Variants in ANO2 observed in about 807,000 individuals in gnomAD.
ANO2 encodes the protein anoctamin 2.
Under a neutral mutation model 124.2 loss-of-function variants are expected in ANO2, and 101 were observed. That is an observed-to-expected ratio of 0.81 (90% CI 0.69 to 0.96). ANO2 has a LOEUF of 0.96. Among genes scored for constraint, ANO2 ranks in the 40% least tolerant of loss-of-function variants. ANO2 has a pLI of 0.00. For synonymous variants in ANO2, 486 were observed against 482.5 expected, an observed-to-expected ratio of 1.01 and a Z score of -0.09; for missense variants, 1,293 against 1,274.5, an observed-to-expected ratio of 1.01 and a Z score of -0.22.
chr12:5,758,606 T>G (rs921219929), intron 10 of ANO2, among the ~76,000 whole-genome samples: 3 of 152,120 alleles, frequency 2.0e-5, no homozygotes, highest in Admixed American at 2.0e-4. Flanking sequence ...AATTCAGCAC[T>G]CCAGGGCTCA....
chr12:5,568,302 C>T (rs922080053), intron 23 of ANO2, among the ~76,000 whole-genome samples: 7 of 152,084 alleles, frequency 4.6e-5, no homozygotes, highest in Middle Eastern at 3.4e-3. Flanking sequence ...CCACCACACC[C>T]GGCTAATTTT....
At chr12:5,736,378 G>A (rs1950865481) in intron 13 of ANO2, among the ~76,000 whole-genome samples, 1 of 152,162 alleles carries the variant, frequency 6.6e-6, no homozygotes, top group Non-Finnish European at 1.5e-5. Flanking sequence ...ATGTCAGTTG[G>A]CACCCTCCTT....
At chr12:5,676,862 T>C (rs562112471) in intron 14 of ANO2, among the ~76,000 whole-genome samples, 1 of 152,264 alleles carries the variant, frequency 6.6e-6, no homozygotes, top group South Asian at 2.1e-4. Flanking sequence ...AAGACCAGCC[T>C]GGCCAACACG....
At chr12:5,913,997 G>C (rs144092715) in intron 3 of ANO2, among the ~76,000 whole-genome samples, 262 of 152,138 alleles carry the variant, frequency 1.7e-3, no homozygotes, top group Middle Eastern at 0.014. Flanking sequence ...GTCAGGAGTT[G>C]GAGACCAGCC....
chr12:5,795,975 T>A (rs1952832276), intron 10 of ANO2, among the ~76,000 whole-genome samples: 1 of 151,812 alleles, frequency 6.6e-6, no homozygotes, highest in Non-Finnish European at 1.5e-5. Flanking sequence ...AGCTTAGGAG[T>A]CATTCCTCAT....
rs117077302 is a variant in ANO2, at chr12:5,930,213, G to A, written c.23-7409C>T. 9.3e-3 allele frequency among the ~76,000 whole-genome samples: 1,364 copies of A among 146,522 alleles called. 59 individuals carry two copies. Among genetic ancestry groups the A allele is most frequent in the Non-Finnish European group, 0.015 (947 of 64,026 alleles). The stretch of plus-strand genomic sequence containing the variant: ...CCTTGTGATTACCCAGGGTTTGATG[G>A]AAGGAGCCACATTCTGTTTAGCTTT... On this transcript the variant is annotated intron_variant, in intron 1 of 24. Transcript: ENST00000682330.
chr12:5,739,596 T>TACACACACAC (rs71064167), intron 12 of ANO2, among the ~76,000 whole-genome samples, 197 bp from the exon 13 acceptor site: 39,692 of 144,898 alleles, frequency 0.27, 5,951 homozygotes, highest in East Asian at 0.5. Context: ...ATAGATATGT[T>TACACACACAC]ACACACACAC....
At chr12:5,865,652 T>C (rs1408071617) in intron 3 of ANO2, among the ~76,000 whole-genome samples, 1 of 151,950 alleles carries the variant, frequency 6.6e-6, no homozygotes, top group Non-Finnish European at 1.5e-5. Flanking sequence ...CACACCATCA[T>C]GCATTCACGC....
chr12:5,674,545 C>G (rs1272369209), intron 14 of ANO2, among the ~76,000 whole-genome samples: 1 of 152,230 alleles, frequency 6.6e-6, no homozygotes, highest in East Asian at 1.9e-4. Flanking sequence ...GGCTTGCACT[C>G]AGGTCACAGC....
intron 3 of ANO2, among the ~76,000 whole-genome samples, chr12:5,910,337 C>A (rs1940971132): frequency 6.6e-6 from 1 of 152,080 alleles, no homozygotes; most frequent in Non-Finnish European, 1.5e-5. Flanking sequence ...TGCCACCAAG[C>A]CTGGCTAATT....
At chr12:5,593,593 C>G (rs1007669037) in intron 20 of ANO2, among the ~76,000 whole-genome samples, 3 of 152,188 alleles carry the variant, frequency 2.0e-5, no homozygotes, top group African/African-American at 7.2e-5. Context: ...TCAGGAGCTT[C>G]AAACTGTTTT....
intron 16 of ANO2, among the ~76,000 whole-genome samples, chr12:5,633,632 C>T (rs756716190): frequency 6.6e-6 from 1 of 152,132 alleles, no homozygotes; most frequent in Non-Finnish European, 1.5e-5. Flanking sequence ...GCACAGTTTC[C>T]CACTCCATCG....
At chr12:5,921,493 C>A in intron 2 of ANO2, 127 bp from the exon 3 acceptor site, 1 of 857,498 alleles carries the variant, frequency 1.2e-6, no homozygotes, top group Non-Finnish European at 1.8e-6. Context: ...CCCAAAGGCC[C>A]CCAGTGCCCC....
chr12:5,727,567 T>A (rs1055270133), intron 14 of ANO2, among the ~76,000 whole-genome samples: 1 of 149,090 alleles, frequency 6.7e-6, no homozygotes, highest in East Asian at 2.0e-4. Flanking sequence ...AGTGACTTAA[T>A]GGTGAAAAAC....
intron 14 of ANO2, among the ~76,000 whole-genome samples, chr12:5,657,833 AG>A (rs1271052066): frequency 6.6e-6 from 1 of 152,056 alleles, no homozygotes; most frequent in Non-Finnish European, 1.5e-5. Context: ...GGCATGTTCA[AG>A]GGCAGAGAGG....
At chr12:5,692,220 T>C (rs1479968818) in intron 14 of ANO2, among the ~76,000 whole-genome samples, 3 of 151,994 alleles carry the variant, frequency 2.0e-5, no homozygotes, top group Admixed American at 1.3e-4. Context: ...AGAGCAAGGA[T>C]AGATTTTAGT....
At chr12:5,573,039 T>C (rs1942214071) in intron 23 of ANO2, among the ~76,000 whole-genome samples, 1 of 152,184 alleles carries the variant, frequency 6.6e-6, no homozygotes, top group Non-Finnish European at 1.5e-5. Flanking sequence ...TTGGTTGTTT[T>C]GGCTGAGTAG....
At chr12:5,815,279 T>A (rs2058467) in intron 7 of ANO2, among the ~76,000 whole-genome samples, 7 of 152,178 alleles carry the variant, frequency 4.6e-5, no homozygotes, top group African/African-American at 1.4e-4. Flanking sequence ...CACTGCAAAG[T>A]GAAACTGAGA....
intron 1 of ANO2, among the ~76,000 whole-genome samples, chr12:5,932,279 G>C (rs375269802): frequency 6.0e-5 from 9 of 150,518 alleles, no homozygotes; most frequent in East Asian, 2.0e-4. Context: ...AGACTGGTAA[G>C]AAAGTGACTA....
Sources: gnomAD v4.1 joint callset for allele counts (sites outside exome capture counted in the v4.1 genomes callset) on GRCh38, gnomAD v4.1.1 for gene constraint, MANE v1.5 for transcripts, NCBI Gene and HGNC (gene_info 2026-07-23, HGNC 2026-07-21) for gene names.